PRKDC: variants seen among roughly 807,000 people sequenced by gnomAD.
The protein encoded by PRKDC is protein kinase, DNA-activated, catalytic subunit.
PRKDC carries 82 observed loss-of-function variants against 486.9 expected under a neutral mutation model. That is an observed-to-expected ratio of 0.17 (90% CI 0.14 to 0.20). The LOEUF (loss-of-function observed/expected upper bound fraction) is 0.20, where lower values mean the gene tolerates loss of function less well. Among genes scored for constraint, PRKDC ranks in the 10% least tolerant of loss-of-function variants. The probability of loss-of-function intolerance (pLI) is 1.00; values close to 1 mark genes in which losing one functional copy is unlikely to be tolerated. For missense variants in PRKDC, 4,504 were observed against 5,038.2 expected (o/e 0.89, Z 3.21); for synonymous variants, 1,895 against 1,837.0 (o/e 1.03, Z -0.81).
chr8:47,911,444 C>T (rs2089900771), intron 25 of PRKDC, among the ~76,000 whole-genome samples: 1 of 152,196 alleles, frequency 6.6e-6, no homozygotes, highest in Non-Finnish European at 1.5e-5. Context: ...TCCAGGCTTC[C>T]ATGGAGAGGT....
intron 74 of PRKDC, 28 bp from the exon 75 acceptor site, chr8:47,789,266 G>A: frequency 7.2e-7 from 1 of 1,384,022 alleles, no homozygotes; most frequent in Non-Finnish European, 9.8e-7. Flanking sequence ...CAAAGTTTAG[G>A]CAATCAAATA....
chr8:47,909,887 TTAAGA>T (rs942892537), intron 25 of PRKDC, among the ~76,000 whole-genome samples: 1 of 152,180 alleles, frequency 6.6e-6, no homozygotes, highest in Non-Finnish European at 1.5e-5. Flanking sequence ...CTGTTTCCTG[TTAAGA>T]TGTTTATCAA....
intron 28 of PRKDC, among the ~76,000 whole-genome samples, chr8:47,899,523 G>A (rs1192608726): frequency 6.6e-6 from 1 of 152,096 alleles, no homozygotes; most frequent in African/African-American, 2.4e-5. Flanking sequence ...GGTCCCTGTA[G>A]TCTCAGCTAC....
At chr8:47,949,695 T>C (rs1224199773) in intron 7 of PRKDC, among the ~76,000 whole-genome samples, 1 of 152,056 alleles carries the variant, frequency 6.6e-6, no homozygotes, top group African/African-American at 2.4e-5. Flanking sequence ...AGGGGAATCA[T>C]AAATGCTTCC....
intron 80 of PRKDC, chr8:47,779,337 T>C (rs1187644147): frequency 5.4e-6 from 2 of 371,668 alleles, no homozygotes; most frequent in East Asian, 9.7e-5. Context: ...AAAATTCAGG[T>C]ACAAAACCAT....
intron 65 of PRKDC, 151 bp downstream of exon 65, chr8:47,821,453 A>G (rs2087593238): frequency 8.8e-6 from 6 of 685,650 alleles, no homozygotes; most frequent in Non-Finnish European, 1.5e-5. Flanking sequence ...AGATTTAACA[A>G]TACTATGGGG....
intron 42 of PRKDC, 81 bp from the exon 43 acceptor site, chr8:47,862,622 C>T: frequency 2.2e-6 from 3 of 1,359,478 alleles, no homozygotes; most frequent in Non-Finnish European, 3.0e-6. Flanking sequence ...GACAACAGGA[C>T]CTAATGCCAT....
At chr8:47,958,203 T>A (rs903075306) in intron 1 of PRKDC, among the ~76,000 whole-genome samples, 4 of 152,130 alleles carry the variant, frequency 2.6e-5, no homozygotes, top group African/African-American at 9.7e-5. Flanking sequence ...CTTGACATGC[T>A]GTTGCTGGCC....
At chr8:47,780,367 G>A (rs1199044194) in intron 80 of PRKDC, among the ~76,000 whole-genome samples, 3 of 152,148 alleles carry the variant, frequency 2.0e-5, no homozygotes, top group African/African-American at 7.2e-5. Flanking sequence ...ATGTTTAAGT[G>A]AACTTGAAAA....
chr8:47,928,980 G>A (rs1240522678), intron 19 of PRKDC, 112 bp downstream of exon 19: 6 of 883,086 alleles, frequency 6.8e-6, no homozygotes, highest in East Asian at 2.7e-5. Flanking sequence ...ATGAGCCACC[G>A]CACCCAGCCC....
At chr8:47,849,626 G>T in intron 52 of PRKDC, 123 bp from the exon 53 acceptor site, 2 of 1,069,870 alleles carry the variant, frequency 1.9e-6, no homozygotes, top group Non-Finnish European at 2.7e-6. Context: ...TCACCTACAA[G>T]GTAGATGATG....
chr8:47,786,880 C>A (rs1181583318), intron 76 of PRKDC, among the ~76,000 whole-genome samples: 2 of 151,668 alleles, frequency 1.3e-5, no homozygotes, highest in Non-Finnish European at 2.9e-5. Context: ...CAGGTGCACA[C>A]CACCGTGCCT....
rs565436698 is a variant in PRKDC, at chr8:47,818,897, TG to T, written c.9445+504del. On this transcript the variant is annotated intron_variant, in intron 67 of 85. Coordinates refer to ENST00000314191, the MANE Select transcript of PRKDC (RefSeq NM_006904.7). ...CTCTTGGGTGGCCTCCCATAGGCAC[TG>T]GGATAAAACCCACTCATCAGCGATA... is the stretch of plus-strand genomic sequence containing the variant. 5.6e-3 allele frequency among the ~76,000 whole-genome samples: 848 copies of T among 152,306 alleles called. 6 individuals are homozygous for T. The highest frequency in any genetic ancestry group is 0.019 in the African/African-American group (780 of 41,574).
Position 47,817,479 on chromosome 8 carries a change from C to A in PRKDC, c.9528G>T (p.Met3176Ile). 1 of 1,605,930 alleles carries A rather than the reference C, an allele frequency of 6.2e-7. No homozygotes were observed. Residue 3176 changes from methionine (M) to isoleucine (I), a missense_variant, in exon 68 of 86, where the codon ATG becomes ATT. Met to Ile is a conservative substitution (Grantham distance 10). Coordinates refer to ENST00000314191, the MANE Select transcript of PRKDC (RefSeq NM_006904.7). Reference sequence around the variant, plus strand: ...TTGTGATGATGTCATCCCAGATGTTCATTGGGTCCATTTTAGCATCTGGAT... The same window carrying A: ...TTGTGATGATGTCATCCCAGATGTTAATTGGGTCCATTTTAGCATCTGGAT... Reference protein sequence around the residue: ...NRYPDAKMDPMNIWDDIITNR... With the variant: ...NRYPDAKMDPINIWDDIITNR...
chr8:47,823,969 G>A lies in PRKDC; in HGVS notation c.8811C>T (p.Asp2937=), dbSNP rs546276154. 6.8e-6 allele frequency: 11 copies of A among 1,613,060 alleles called. No homozygotes were observed. Among genetic ancestry groups the A allele is most frequent in the East Asian group, 4.5e-5 (2 of 44,846 alleles). The part of the protein sequence containing the change: ...AKLYRSIGEY[D]VLRGIFTSEI... ...CACTGGTAAAAATCCCACGGAGGAC[G>A]TCGTATTCTCCAATTGATCTATACA... is the stretch of plus-strand genomic sequence containing the variant. Residue 2937 remains aspartate, a synonymous_variant, in exon 64 of 86, where the codon GAC becomes GAT. Coordinates refer to ENST00000314191, the MANE Select transcript of PRKDC (RefSeq NM_006904.7).
Position 47,774,064 on chromosome 8 carries a change from C to T in PRKDC, c.*109G>A, listed in dbSNP as rs1388597763. 1.6e-5 allele frequency: 18 copies of T among 1,121,492 alleles called. 1 individual carries two copies. The highest frequency in any genetic ancestry group is 2.0e-5 in the Non-Finnish European group (16 of 807,472). The allele number at this position is 1,121,492 out of a possible 1,614,324, so 69.5% of individuals were successfully genotyped here. On this transcript the variant is annotated 3_prime_UTR_variant, in exon 86 of 86. Transcript: ENST00000314191. ...TGCTACGAAACTGTAGCACAAAAGA[C>T]ATTTCTCTTTAGTGTTTCAGGAAAA...
chr8:47,935,786 A>G lies in PRKDC; in HGVS notation c.1393T>C (p.Phe465Leu). ...GGCCCTTTTGCTGCCAAAGCTAGGA[A>G]CACCTTCACTATGGCTCTGCAACAC... The part of the protein sequence containing the change: ...LVCCRAIVKV[F>L]LALAAKGPVL... The change falls in exon 13 of 86, where the codon TTC (phenylalanine) becomes CTC (leucine). Residue 465 changes from phenylalanine (F) to leucine (L), a missense_variant. By Grantham distance (22) the Phe-to-Leu change is conservative. This residue lies in a region of PRKDC where 1,969 missense variants were observed against 2,068.9 expected (regional missense o/e 0.95). Coordinates refer to ENST00000314191, the MANE Select transcript of PRKDC (RefSeq NM_006904.7). 6.2e-7 allele frequency: 1 copy of G among 1,614,008 alleles called. No individual in the cohort carries two copies. Among genetic ancestry groups the G allele is most frequent in the Non-Finnish European group, 8.5e-7 (1 of 1,179,894 alleles).
intron 7 of PRKDC, among the ~76,000 whole-genome samples, chr8:47,948,183 T>C (rs536013566): frequency 1.6e-4 from 25 of 151,944 alleles, no homozygotes; most frequent in South Asian, 8.3e-4. Context: ...CTTGCTCTGT[T>C]GCCAGGCTGG....
At position 47,804,746 on chromosome 8, in the gene PRKDC, C is replaced by T. The variant is rs1319137071; in HGVS notation, c.9748-1266G>A. On this transcript the variant is annotated intron_variant, in intron 69 of 85. Coordinates refer to ENST00000314191, the MANE Select transcript of PRKDC (RefSeq NM_006904.7). ...AGTGGAATTGTCGGGTCATATGGTA[C>T]CTCTGTTCAACTGTTTTGTTTTGTT... Among the ~76,000 whole-genome samples, 3 of 151,996 alleles carry T rather than the reference C, an allele frequency of 2.0e-5. No individual in the cohort carries two copies. In the East Asian group the frequency reaches 5.8e-4, roughly 29 times the overall value.
Sources: allele counts gnomAD v4.1 joint callset (sites outside exome capture counted in the v4.1 genomes callset), GRCh38; gene constraint gnomAD v4.1.1; regional missense constraint gnomAD v4.1.1; transcripts MANE v1.5; gene names NCBI Gene and HGNC (gene_info 2026-07-23, HGNC 2026-07-21).